PRMT8: variants seen among roughly 807,000 people sequenced by gnomAD.
The protein encoded by PRMT8 is protein arginine methyltransferase 8, also known as protein arginine N-methyltransferase 8.
Under a neutral mutation model 47.1 loss-of-function variants are expected in PRMT8, and 7 were observed. The observed-to-expected ratio is 0.15, with a 90% CI of 0.08 to 0.28. The LOEUF (loss-of-function observed/expected upper bound fraction) is 0.28, where lower values mean the gene tolerates loss of function less well. PRMT8 is among the 10% of genes least tolerant of loss of function. PRMT8 has a pLI of 1.00. For missense variants in PRMT8, 237 were observed against 505.4 expected (o/e 0.47, Z 5.09); for synonymous variants, 188 against 186.5 (o/e 1.01, Z -0.07).
intron 4 of PRMT8, among the ~76,000 whole-genome samples, chr12:3,567,004 C>G (rs1472951509): frequency 6.6e-6 from 1 of 152,172 alleles, no homozygotes; most frequent in East Asian, 1.9e-4. Context: ...GTCAGTTTAT[C>G]AAAAACTCAA....
At chr12:3,540,486 A>T (rs1244962121) in intron 1 of PRMT8, 120 bp from the exon 2 acceptor site, 1 of 679,588 alleles carries the variant, frequency 1.5e-6, no homozygotes, top group African/African-American at 1.8e-5. Context: ...CCTTTCAGGA[A>T]GGGCTGCTGT....
intron 1 of PRMT8, among the ~76,000 whole-genome samples, chr12:3,457,229 A>G (rs1259260424): frequency 6.6e-6 from 1 of 152,170 alleles, no homozygotes; most frequent in South Asian, 2.1e-4. Flanking sequence ...AGGAAGGCCT[A>G]TCTAGGCTGC....
chr12:3,550,173 T>C lies in PRMT8; in HGVS notation c.417+82T>C. 2 of 1,556,958 alleles carry C rather than the reference T, an allele frequency of 1.3e-6. No homozygotes were observed. Among genetic ancestry groups the C allele is most frequent in the Non-Finnish European group, 1.7e-6 (2 of 1,143,072 alleles). On this transcript the variant is annotated intron_variant, in intron 3 of 9. Transcript: ENST00000382622. The surrounding 1 kb of genome is among the most constrained non-coding windows in gnomAD (Gnocchi z 5.1). The stretch of plus-strand genomic sequence containing the variant: ...CTGCCTCCACCCGCCCTTCTAGAAG[T>C]ACAAAATTTGGTCCATCTCTTTTGC...
At chr12:3,495,036 T>G (rs142372575) in intron 1 of PRMT8, among the ~76,000 whole-genome samples, 28 of 152,308 alleles carry the variant, frequency 1.8e-4, no homozygotes, top group African/African-American at 5.3e-4. Flanking sequence ...CCCTCTCCCC[T>G]GTTCCCTAGG....
intron 1 of PRMT8, among the ~76,000 whole-genome samples, chr12:3,442,977 C>T (rs1461261767): frequency 6.6e-6 from 1 of 152,052 alleles, no homozygotes; most frequent in East Asian, 1.9e-4. Context: ...TTTTCTATGT[C>T]CATATCTATT....
chr12:3,491,970 C>T (rs1047147392), intron 1 of PRMT8, among the ~76,000 whole-genome samples: 1 of 151,394 alleles, frequency 6.6e-6, no homozygotes, highest in Non-Finnish European at 1.5e-5. Flanking sequence ...ACCCCATCAC[C>T]CTCTCCTGCC....
At chr12:3,498,834 C>T (rs1865547421) in intron 1 of PRMT8, among the ~76,000 whole-genome samples, 1 of 152,320 alleles carries the variant, frequency 6.6e-6, no homozygotes, top group East Asian at 1.9e-4. Context: ...AACTGGGTGG[C>T]TTTAAAACAA....
chr12:3,403,785 G>C (rs574210338), intron 1 of PRMT8, among the ~76,000 whole-genome samples: 1 of 148,476 alleles, frequency 6.7e-6, no homozygotes, highest in East Asian at 2.0e-4. Flanking sequence ...GCTGAGGCAG[G>C]AGAATCACTT....
At chr12:3,512,909 T>G (rs759176465) in intron 1 of PRMT8, among the ~76,000 whole-genome samples, 1 of 152,206 alleles carries the variant, frequency 6.6e-6, no homozygotes, top group South Asian at 2.1e-4. Flanking sequence ...TTCATCTCAT[T>G]TGCCCTCAGT....
intron 1 of PRMT8, among the ~76,000 whole-genome samples, chr12:3,435,900 A>C (rs1264046966): frequency 6.6e-6 from 1 of 152,166 alleles, no homozygotes; most frequent in Non-Finnish European, 1.5e-5. Context: ...TGGCGAATTA[A>C]GCTTGATATA....
intron 1 of PRMT8, among the ~76,000 whole-genome samples, chr12:3,401,627 G>A (rs1475763015): frequency 6.6e-6 from 1 of 152,150 alleles, no homozygotes; most frequent in Admixed American, 6.5e-5. Context: ...CTTCAGTGGA[G>A]TCTCAGGATA....
intron 1 of PRMT8, chr12:3,463,339 T>C (rs900027696): frequency 1.6e-4 from 25 of 152,212 alleles, no homozygotes; most frequent in African/African-American, 5.5e-4. Flanking sequence ...CTGTCTGTCT[T>C]GGACTTTTGG....
intron 7 of PRMT8, among the ~76,000 whole-genome samples, chr12:3,581,573 C>T (rs908895559): frequency 3.3e-5 from 5 of 152,160 alleles, no homozygotes; most frequent in African/African-American, 4.8e-5. Flanking sequence ...TTTATAATCC[C>T]ATCAAATTCT....
chr12:3,450,327 A>G (rs1230015821), intron 1 of PRMT8, among the ~76,000 whole-genome samples: 3 of 152,222 alleles, frequency 2.0e-5, no homozygotes, highest in Non-Finnish European at 4.4e-5. Context: ...ATTTTGTAAC[A>G]TCGTATACTA....
chr12:3,507,090 T>G (rs947348434), intron 1 of PRMT8, among the ~76,000 whole-genome samples: 2 of 151,960 alleles, frequency 1.3e-5, no homozygotes, highest in Non-Finnish European at 2.9e-5. Flanking sequence ...TATCATCTCT[T>G]GTTAGCTAAA....
chr12:3,459,019 C>T (rs760430265), intron 1 of PRMT8, among the ~76,000 whole-genome samples: 3 of 152,168 alleles, frequency 2.0e-5, no homozygotes, highest in Non-Finnish European at 1.5e-5. Flanking sequence ...GTGGATATGA[C>T]GAGTGGGCAG....
chr12:3,530,886 C>T (rs1866019990), intron 1 of PRMT8, among the ~76,000 whole-genome samples: 1 of 152,200 alleles, frequency 6.6e-6, no homozygotes. Context: ...CACCATAGCC[C>T]CACAAAAGAG....
chr12:3,454,823 C>T (rs1319496276), intron 1 of PRMT8, among the ~76,000 whole-genome samples: 2 of 152,170 alleles, frequency 1.3e-5, no homozygotes, highest in Non-Finnish European at 2.9e-5. Flanking sequence ...GTTATAGTCA[C>T]CCTAAGGGTC....
At chr12:3,556,835 G>C (rs892772246) in intron 4 of PRMT8, among the ~76,000 whole-genome samples, 37 of 151,846 alleles carry the variant, frequency 2.4e-4, no homozygotes, top group African/African-American at 8.5e-4. Flanking sequence ...CAGTGGAGGG[G>C]TGGTCTTTGC....
Sources: allele counts gnomAD v4.1 joint callset (sites outside exome capture counted in the v4.1 genomes callset), GRCh38; gene constraint gnomAD v4.1.1; non-coding constraint Gnocchi (gnomAD v3.1); transcripts MANE v1.5; gene names NCBI Gene and HGNC (gene_info 2026-07-23, HGNC 2026-07-21).